The following CDH4 variants were observed in gnomAD, a reference collection of about 807,000 sequenced individuals.
The protein encoded by CDH4 is cadherin 4.
A neutral mutation model predicts 86.0 loss-of-function variants in CDH4; 33 were observed. That is an observed-to-expected ratio of 0.38 (90% confidence interval 0.29 to 0.51). The LOEUF is 0.51. Ranked by LOEUF, CDH4 falls within the 20% of genes least tolerant of loss-of-function variation. The probability of loss-of-function intolerance (pLI) is 0.86; values close to 1 mark genes in which losing one functional copy is unlikely to be tolerated. For synonymous variants in CDH4, 555 were observed against 549.4 expected (o/e 1.01, Z -0.14); for missense variants, 1,114 against 1,307.4 (o/e 0.85, Z 2.28).
At chr20:61,842,959 C>G (rs562485486) in intron 4 of CDH4, among the ~76,000 whole-genome samples, 22 of 152,276 alleles carry the variant, frequency 1.4e-4, no homozygotes, top group Non-Finnish European at 2.8e-4. Context: ...TTTTTAAAAG[C>G]CTCTAAAAAT....
At chr20:61,483,954 T>C (rs1392838756) in intron 2 of CDH4, among the ~76,000 whole-genome samples, 1 of 152,218 alleles carries the variant, frequency 6.6e-6, no homozygotes, top group African/African-American at 2.4e-5. Context: ...CTTTCTGATA[T>C]ACTCATCACC....
chr20:61,873,635 A>T, intron 6 of CDH4, 93 bp from the exon 7 acceptor site: 2 of 1,359,654 alleles, frequency 1.5e-6, no homozygotes, highest in East Asian at 2.3e-5. Flanking sequence ...ACTCACGGAG[A>T]GCTCTGTGGT....
At chr20:61,588,883 G>A (rs932235711) in intron 2 of CDH4, among the ~76,000 whole-genome samples, 2 of 152,146 alleles carry the variant, frequency 1.3e-5, no homozygotes, top group Admixed American at 1.3e-4. Context: ...TGTAAGCCTC[G>A]AGGGCTGAGA....
At chr20:61,571,590 C>T (rs2086342094) in intron 2 of CDH4, among the ~76,000 whole-genome samples, 1 of 152,164 alleles carries the variant, frequency 6.6e-6, no homozygotes, top group African/African-American at 2.4e-5. Flanking sequence ...ACAGGGTCCT[C>T]ACCGCCCCTG....
chr20:61,787,793 T>C (rs1289817183), intron 4 of CDH4, among the ~76,000 whole-genome samples: 1 of 152,166 alleles, frequency 6.6e-6, no homozygotes, highest in Non-Finnish European at 1.5e-5. Flanking sequence ...GAGAGAATCA[T>C]GGGGATATCG....
intron 15 of CDH4, among the ~76,000 whole-genome samples, chr20:61,935,332 G>A (rs1852847368): frequency 6.6e-6 from 1 of 152,262 alleles, no homozygotes; most frequent in South Asian, 2.1e-4. Context: ...GGTGTTCTGG[G>A]CCACAGATGA....
chr20:61,878,984 G>A (rs971400084), intron 7 of CDH4, among the ~76,000 whole-genome samples: 6 of 152,208 alleles, frequency 3.9e-5, no homozygotes, highest in African/African-American at 1.4e-4. Flanking sequence ...TTGAATGATG[G>A]TTTATAATTA....
chr20:61,924,483 C>T lies in CDH4; in HGVS notation c.1771+7C>T, dbSNP rs141853996. On this transcript the variant is annotated splice_region_variant and intron_variant, in intron 11 of 15. Coordinates refer to ENST00000614565, the MANE Select transcript of CDH4 (RefSeq NM_001794.5). ...TTCCTGGCAGCTGACAATGGTGCGG[C>T]CCACCCCAGGGAGGCAGCCGTCTCG... The T allele has an allele frequency of 5.3e-5, 86 of 1,611,870 alleles. No individual in the cohort carries two copies. The highest frequency in any genetic ancestry group is 6.8e-5 in the Non-Finnish European group (80 of 1,179,092).
chr20:61,479,000 AG>A (rs2085554628), intron 2 of CDH4, among the ~76,000 whole-genome samples: 1 of 151,764 alleles, frequency 6.6e-6, no homozygotes, highest in Non-Finnish European at 1.5e-5. Flanking sequence ...TTTAGGCTGA[AG>A]GGGTGTGTGT....
intron 2 of CDH4, among the ~76,000 whole-genome samples, chr20:61,707,780 C>A (rs2087847890): frequency 6.6e-6 from 1 of 152,150 alleles, no homozygotes. Context: ...AGCCTAGATC[C>A]CGTGCACGTG....
intron 2 of CDH4, among the ~76,000 whole-genome samples, chr20:61,547,651 A>G (rs1230633419): frequency 6.6e-6 from 1 of 152,106 alleles, no homozygotes; most frequent in African/African-American, 2.4e-5. Context: ...TTGGCCAATG[A>G]TGACACAAGG....
chr20:61,360,533 G>A (rs766707888), intron 2 of CDH4, among the ~76,000 whole-genome samples: 6 of 152,130 alleles, frequency 3.9e-5, no homozygotes, highest in African/African-American at 9.7e-5. Context: ...AGACCCTCCC[G>A]CCTAGGAGCA....
At position 61,531,946 on chromosome 20, in the gene CDH4, C is replaced by T. The variant is rs186531702; in HGVS notation, c.170-211617C>T. The stretch of plus-strand genomic sequence containing the variant: ...TTTTAAAGTTTGTTCTTATCTTCTG[C>T]GCTGCTCAAGTGAGGAAACGAGGTG... On this transcript the variant is annotated intron_variant, in intron 2 of 15. Coordinates refer to ENST00000614565, the MANE Select transcript of CDH4 (RefSeq NM_001794.5). Among the ~76,000 whole-genome samples, 59 of 152,342 alleles carry T rather than the reference C, an allele frequency of 3.9e-4. No individual in the cohort carries two copies. In the East Asian group the frequency reaches 7.1e-3, roughly 18 times the overall value.
intron 2 of CDH4, among the ~76,000 whole-genome samples, chr20:61,634,170 G>T (rs969006122): frequency 6.6e-6 from 1 of 152,136 alleles, no homozygotes; most frequent in African/African-American, 2.4e-5. Flanking sequence ...TCTGCAAACC[G>T]TAAAGCTCTG....
rs115170737 is a variant in CDH4, at chr20:61,488,667, G to C, written c.169+233730G>C. Among the ~76,000 whole-genome samples the C allele has an allele frequency of 2.4e-3, 372 of 152,338 alleles. 3 individuals are homozygous for C. Among genetic ancestry groups the C allele is most frequent in the African/African-American group, 8.4e-3 (349 of 41,596 alleles). On this transcript the variant is annotated intron_variant, in intron 2 of 15. Coordinates refer to ENST00000614565, the MANE Select transcript of CDH4 (RefSeq NM_001794.5). ...AGAGAGAGAAAAAAAATGGGGCTCT[G>C]CAGCTGCCAATATTTGATGCCCTTG...
chr20:61,371,473 G>A (rs1253640749), intron 2 of CDH4, among the ~76,000 whole-genome samples: 1 of 152,254 alleles, frequency 6.6e-6, no homozygotes, highest in Non-Finnish European at 1.5e-5. Context: ...CCAGCTCTCA[G>A]TGCCATCGGG....
chr20:61,749,522 C>G (rs375080629), intron 3 of CDH4, among the ~76,000 whole-genome samples: 1 of 152,124 alleles, frequency 6.6e-6, no homozygotes, highest in Non-Finnish European at 1.5e-5. Flanking sequence ...AAAATCAAAA[C>G]ATAGTTTGTT....
At chr20:61,273,248 C>T (rs1258684743) in intron 2 of CDH4, among the ~76,000 whole-genome samples, 1 of 114,740 alleles carries the variant, frequency 8.7e-6, no homozygotes, top group Non-Finnish European at 1.7e-5. Context: ...GTACAGTGTG[C>T]AGTTTAGGGG....
rs991088922 is a variant in CDH4 at position 61,561,896 on chromosome 20, C to T, written c.170-181667C>T. ...CTCTGGGCCCCAGTGGCTGCATGCG[C>T]CATGTTTCTGGGCAGTGACCATATG... On this transcript the variant is annotated intron_variant, in intron 2 of 15. Transcript: ENST00000614565. Among the ~76,000 whole-genome samples the T allele has an allele frequency of 9.2e-5, 14 of 152,378 alleles. No individual in the cohort carries two copies. In the East Asian group the frequency reaches 2.7e-3, roughly 29 times the overall value.
Sources: allele counts gnomAD v4.1 joint callset (sites outside exome capture counted in the v4.1 genomes callset), GRCh38; gene constraint gnomAD v4.1.1; transcripts MANE v1.5; gene names NCBI Gene and HGNC (gene_info 2026-07-23, HGNC 2026-07-21).